Variants in ANK2 observed in about 807,000 individuals in gnomAD.
The protein encoded by ANK2 is ankyrin-2.
A neutral mutation model predicts 360.5 loss-of-function variants in ANK2; 83 were observed. The observed-to-expected ratio is 0.23, with a 90% CI of 0.19 to 0.28. The LOEUF (loss-of-function observed/expected upper bound fraction) is 0.28. ANK2 is among the 10% of genes least tolerant of loss of function. The pLI is 1.00. For missense variants in ANK2, 4,201 were observed against 4,795.7 expected (o/e 0.88, Z 3.66); for synonymous variants, 1,740 against 1,759.5 (o/e 0.99, Z 0.28).
At chr4:113,366,840 G>A (rs566651144) in intron 41 of ANK2, among the ~76,000 whole-genome samples, 2 of 152,074 alleles carry the variant, frequency 1.3e-5, no homozygotes, top group Non-Finnish European at 2.9e-5. Context: ...CAGTGGGGAC[G>A]GAAGCTTTTT....
At chr4:113,206,998 T>G (rs1325261958) in intron 4 of ANK2, among the ~76,000 whole-genome samples, 1 of 152,132 alleles carries the variant, frequency 6.6e-6, no homozygotes, top group African/African-American at 2.4e-5. Flanking sequence ...CACCCCAGCC[T>G]GGGCAACAGA....
chr4:113,288,693 T>C (rs546301524), intron 20 of ANK2, among the ~76,000 whole-genome samples: 1 of 152,340 alleles, frequency 6.6e-6, no homozygotes, highest in Non-Finnish European at 1.5e-5. Context: ...TCGAACTACT[T>C]CTATTATAAA....
intron 2 of ANK2, among the ~76,000 whole-genome samples, chr4:112,930,520 T>TA (rs1373851360): frequency 6.6e-6 from 1 of 151,392 alleles, no homozygotes; most frequent in African/African-American, 2.4e-5. Context: ...GCAGGGGAGT[T>TA]ATAGTATGAG....
intron 40 of ANK2, 95 bp from the exon 41 acceptor site, chr4:113,364,944 G>A (rs906454875): frequency 1.4e-6 from 2 of 1,463,406 alleles, no homozygotes; most frequent in Non-Finnish European, 1.9e-6. Flanking sequence ...GTTTTTTTCT[G>A]TACAGATATC....
rs567995496 is a variant in ANK2, at chr4:113,132,111, A to G, written c.85-42305A>G. The stretch of plus-strand genomic sequence containing the variant: ...TCAGAGATGTCACAAGTATCAGACC[A>G]TATGGTGTAATGCCACTTGATTAGA... On this transcript the variant is annotated intron_variant, in intron 1 of 45. Transcript: ENST00000357077. Among the ~76,000 whole-genome samples the G allele has an allele frequency of 5.3e-5, 8 of 152,330 alleles. No homozygotes were observed. In the East Asian group the frequency reaches 9.6e-4, roughly 18 times the overall value.
chr4:112,982,898 C>A (rs1159774560), intron 2 of ANK2, among the ~76,000 whole-genome samples: 1 of 152,158 alleles, frequency 6.6e-6, no homozygotes, highest in Non-Finnish European at 1.5e-5. Context: ...AGCTGTTTTG[C>A]AATCTGTGCA....
intron 27 of ANK2, among the ~76,000 whole-genome samples, chr4:113,331,636 A>G (rs905751800): frequency 2.6e-5 from 4 of 152,232 alleles, no homozygotes; most frequent in African/African-American, 9.6e-5. Flanking sequence ...GCATGAAAAC[A>G]TCTGGCCTCT....
intron 2 of ANK2, among the ~76,000 whole-genome samples, chr4:113,182,169 A>G (rs183315684): frequency 6.6e-6 from 1 of 152,260 alleles, no homozygotes; most frequent in East Asian, 1.9e-4. Context: ...CAAAAGAGGA[A>G]TTAGGCATGA....
intron 6 of ANK2, 50 bp from the exon 7 acceptor site, chr4:113,237,549 T>C (rs749118428): frequency 6.4e-7 from 1 of 1,558,564 alleles, no homozygotes; most frequent in East Asian, 2.2e-5. Flanking sequence ...TTTCCATAAT[T>C]TTGCATTGTG....
intron 1 of ANK2, among the ~76,000 whole-genome samples, chr4:112,863,681 C>A (rs1460839157): frequency 6.6e-6 from 1 of 151,910 alleles, no homozygotes; most frequent in East Asian, 1.9e-4. Context: ...AGCCACCACG[C>A]CCGGCTAATT....
Position 113,355,557 on chromosome 4 carries a change from A to C in ANK2, c.6939A>C (p.Leu2313=), listed in dbSNP as rs775563878. The part of the protein sequence containing the change: ...STESFQKEAT[L]GSPKDTSPKR... ...AGAGTTTTCAGAAAGAGGCCACTCT[A>C]GGCTCTCCCAAAGACACAAGCCCTA... Residue 2313 remains leucine (L), a synonymous_variant, in exon 38 of 46, where the codon CTA becomes CTC. Transcript: ENST00000357077. 8.1e-6 allele frequency: 13 copies of C among 1,614,098 alleles called. No individual in the cohort carries two copies. The highest frequency in any genetic ancestry group is 1.6e-4 in the Middle Eastern group (1 of 6,062).
At chr4:112,822,256 A>C (rs1323668311) in intron 1 of ANK2, among the ~76,000 whole-genome samples, 17 of 149,544 alleles carry the variant, frequency 1.1e-4, no homozygotes, top group African/African-American at 2.5e-4. Flanking sequence ...AAAAAAAAAA[A>C]AAAAAACAAA....
upstream of ANK2, among the ~76,000 whole-genome samples, chr4:113,046,185 CAGAG>C (rs2064322096): frequency 6.6e-6 from 1 of 152,116 alleles, no homozygotes; most frequent in Non-Finnish European, 1.5e-5. Context: ...TAGAAAATGT[CAGAG>C]AGATATTTAC....
intron 2 of ANK2, among the ~76,000 whole-genome samples, chr4:112,998,513 T>TA (rs1199747816): frequency 1.3e-5 from 2 of 152,208 alleles, no homozygotes; most frequent in Non-Finnish European, 2.9e-5. Context: ...TGAGCCTAGT[T>TA]AGAGTTGGTG....
intron 2 of ANK2, 137 bp downstream of exon 2, chr4:113,174,654 C>A: frequency 1.5e-6 from 1 of 681,824 alleles, no homozygotes; most frequent in Non-Finnish European, 2.5e-6. Flanking sequence ...CATTTTTTGC[C>A]CCCTTACCAA....
the ANK2 span, among the ~76,000 whole-genome samples, chr4:112,792,418 G>T: frequency 6.6e-6 from 1 of 152,108 alleles, no homozygotes; most frequent in Non-Finnish European, 1.5e-5. Context: ...ATCAGAATTG[G>T]ACCTAGTGAC....
intron 4 of ANK2, among the ~76,000 whole-genome samples, chr4:113,201,729 C>A (rs1212737107): frequency 6.6e-6 from 1 of 152,092 alleles, no homozygotes; most frequent in Non-Finnish European, 1.5e-5. Context: ...AGCTGTGATA[C>A]CAGTTATTAC....
intron 4 of ANK2, among the ~76,000 whole-genome samples, chr4:113,202,559 TAC>T: frequency 6.6e-6 from 1 of 152,364 alleles, no homozygotes; most frequent in Non-Finnish European, 1.5e-5. Flanking sequence ...AGCTGCCTAG[TAC>T]TATGCCTTTG....
upstream of ANK2, among the ~76,000 whole-genome samples, chr4:112,816,836 C>A (rs141972361): frequency 0.012 from 1,897 of 152,256 alleles, 41 homozygotes; most frequent in African/African-American, 0.043. Flanking sequence ...CATGGTGAAA[C>A]CCTATCTGTA....
Sources: gnomAD v4.1 joint callset for allele counts (sites outside exome capture counted in the v4.1 genomes callset) on GRCh38, gnomAD v4.1.1 for gene constraint, MANE v1.5 for transcripts, NCBI Gene and HGNC (gene_info 2026-07-23, HGNC 2026-07-21) for gene names.